The following MERTK variants were observed in gnomAD, a reference collection of about 807,000 sequenced individuals.
MERTK encodes tyrosine-protein kinase Mer.
MERTK carries 69 observed loss-of-function variants against 99.3 expected under a neutral mutation model. That is an observed-to-expected ratio of 0.70 (90% CI 0.57 to 0.85). The LOEUF (loss-of-function observed/expected upper bound fraction) is 0.85, where lower values mean the gene tolerates loss of function less well. Among genes scored for constraint, MERTK ranks in the 40% least tolerant of loss-of-function variants. MERTK has a pLI of 0.00. For synonymous variants in MERTK, 426 were observed against 467.6 expected (o/e 0.91, Z 1.15); for missense variants, 1,125 against 1,249.4 (o/e 0.90, Z 1.50).
intron 4 of MERTK, among the ~76,000 whole-genome samples, chr2:111,964,043 CTTT>C (rs56693776): frequency 9.6e-6 from 1 of 103,858 alleles, no homozygotes. Context: ...AATTTTCTTT[CTTT>C]TTTTTTTTTG....
rs774102970 is a variant in MERTK at position 111,997,405 on chromosome 2, A to G, written c.1533A>G (p.Gly511=). 6.2e-6 allele frequency: 10 copies of G among 1,613,910 alleles called. No homozygotes were observed. Among genetic ancestry groups the G allele is most frequent in the Non-Finnish European group, 8.5e-6 (10 of 1,179,986 alleles). The change falls in exon 10 of 19, where the codon GGA becomes GGG. Residue 511 remains glycine (G), a synonymous_variant. Transcript: ENST00000295408. ...PVLIIFGCFC[G]FILIGLILYI... ...TCATCATCTTTGGCTGCTTTTGTGG[A>G]TTTATTTTGATTGGGTTGATTTTAT...
At chr2:111,970,215 G>A (rs1174663832) in intron 6 of MERTK, among the ~76,000 whole-genome samples, 1 of 151,434 alleles carries the variant, frequency 6.6e-6, no homozygotes, top group Admixed American at 6.6e-5. Flanking sequence ...GGAGTGCAGT[G>A]GTGTGATCTC....
chr2:111,982,589 T>G (rs561853865), intron 7 of MERTK, among the ~76,000 whole-genome samples: 11 of 152,300 alleles, frequency 7.2e-5, no homozygotes, highest in African/African-American at 2.6e-4. Context: ...GGTCTCACTA[T>G]GTTCTGGCTG....
chr2:111,899,530 T>A (rs1032439597), intron 1 of MERTK, among the ~76,000 whole-genome samples: 11 of 151,952 alleles, frequency 7.2e-5, no homozygotes, highest in Admixed American at 4.6e-4. Flanking sequence ...TTTTTTTTTT[T>A]AATTTGAGAC....
At chr2:111,923,387 G>A (rs902933107) in intron 1 of MERTK, among the ~76,000 whole-genome samples, 5 of 152,208 alleles carry the variant, frequency 3.3e-5, no homozygotes, top group Non-Finnish European at 4.4e-5. Context: ...GCTGCATGGT[G>A]ATTGGAAACA....
At chr2:111,939,360 C>T (rs1265473183) in intron 2 of MERTK, among the ~76,000 whole-genome samples, 1 of 152,028 alleles carries the variant, frequency 6.6e-6, no homozygotes, top group African/African-American at 2.4e-5. Context: ...GGGCAGAGTC[C>T]TCATGACCCA....
In MERTK at chr2:112,028,810, C is replaced by T. The variant is rs754685974; in HGVS notation, c.2946C>T (p.Pro982=). The T allele has an allele frequency of 1.1e-5, 18 of 1,613,956 alleles. No individual in the cohort carries two copies. The highest frequency in any genetic ancestry group is 1.4e-5 in the Non-Finnish European group (16 of 1,180,016). ...SSMLPLGSSL[P]DELLFADDSS... ...TGCTGCCCTTGGGAAGCTCATTGCC[C>T]GATGAACTTTTGTTTGCTGACGACT... The change falls in exon 19 of 19, where the codon CCC becomes CCT. Residue 982 remains proline, a synonymous_variant. Transcript: ENST00000295408.
At chr2:111,966,288 A>G (rs10185747) in intron 5 of MERTK, among the ~76,000 whole-genome samples, 9,742 of 152,256 alleles carry the variant, frequency 0.064, 366 homozygotes, top group African/African-American at 0.11. Context: ...TACTCAAAAA[A>G]GATGCTAATT....
intron 5 of MERTK, 53 bp downstream of exon 5, chr2:111,965,330 C>T (rs190962474): frequency 4.5e-6 from 7 of 1,571,670 alleles, no homozygotes; most frequent in Non-Finnish European, 5.3e-6. Context: ...GGTGAGGGTA[C>T]AGCATGAGCT....
intron 15 of MERTK, chr2:112,015,791 G>A (rs1350578185): frequency 5.8e-5 from 9 of 153,914 alleles, no homozygotes; most frequent in Non-Finnish European, 1.2e-4. Context: ...TAAAGATTAT[G>A]TTCTTTTACA....
At chr2:111,911,796 C>T (rs1024689022) in intron 1 of MERTK, among the ~76,000 whole-genome samples, 2 of 146,180 alleles carry the variant, frequency 1.4e-5, no homozygotes, top group Non-Finnish European at 3.0e-5. Context: ...TCAAGTGATC[C>T]TCCCACCTCA....
intron 1 of MERTK, among the ~76,000 whole-genome samples, chr2:111,919,248 C>T (rs916347080): frequency 2.0e-5 from 3 of 152,058 alleles, no homozygotes; most frequent in African/African-American, 7.2e-5. Flanking sequence ...CCCCCCATCC[C>T]TGGCCTTCCG....
At chr2:111,947,609 C>A in intron 4 of MERTK, 42 bp downstream of exon 4, 1 of 1,608,468 alleles carries the variant, frequency 6.2e-7, no homozygotes, top group Non-Finnish European at 8.5e-7. Flanking sequence ...TCTCTAATAG[C>A]GGACAGGATC....
intron 4 of MERTK, among the ~76,000 whole-genome samples, chr2:111,962,946 T>C (rs992666960): frequency 6.6e-6 from 1 of 151,956 alleles, no homozygotes; most frequent in Non-Finnish European, 1.5e-5. Context: ...GAGAAAGAAA[T>C]AAGGTGGCCC....
chr2:111,965,399 A>G (rs1685341665), intron 5 of MERTK, 122 bp downstream of exon 5: 5 of 890,178 alleles, frequency 5.6e-6, no homozygotes, highest in Non-Finnish European at 9.2e-6. Flanking sequence ...GTTCTTTGTG[A>G]CCTTGGACAA....
intron 1 of MERTK, among the ~76,000 whole-genome samples, chr2:111,901,924 G>A (rs1157844320): frequency 6.6e-6 from 1 of 151,638 alleles, no homozygotes; most frequent in Non-Finnish European, 1.5e-5. Flanking sequence ...CACTCTTGCT[G>A]TCCAGGCTAG....
chr2:111,998,885 C>T (rs181254371), intron 10 of MERTK, among the ~76,000 whole-genome samples: 128 of 152,308 alleles, frequency 8.4e-4, no homozygotes, highest in African/African-American at 1.2e-3. Flanking sequence ...TTATCTATGT[C>T]GAAGTCAGTT....
intron 15 of MERTK, 47 bp from the exon 16 acceptor site, chr2:112,019,366 T>G (rs373918845): frequency 6.9e-7 from 1 of 1,454,222 alleles, no homozygotes; most frequent in African/African-American, 1.4e-5. Context: ...CTTGCAAGTT[T>G]TCCTTTTTAA....
chr2:111,991,572 A>T (rs1676616745), intron 8 of MERTK, among the ~76,000 whole-genome samples: 1 of 152,128 alleles, frequency 6.6e-6, no homozygotes, highest in Non-Finnish European at 1.5e-5. Context: ...TTAAAAAAAA[A>T]GGTTAATTAT....
Sources: allele counts gnomAD v4.1 joint callset (sites outside exome capture counted in the v4.1 genomes callset), GRCh38; gene constraint gnomAD v4.1.1; transcripts MANE v1.5; gene names NCBI Gene and HGNC (gene_info 2026-07-23, HGNC 2026-07-21).